SMARCAL1: variants seen among roughly 807,000 people sequenced by gnomAD.
SMARCAL1 encodes SNF2 related chromatin remodeling annealing helicase 1, also known as ATP-driven annealing helicase.
A neutral mutation model predicts 94.5 loss-of-function variants in SMARCAL1; 58 were observed. That is an observed-to-expected ratio of 0.61 (90% CI 0.50 to 0.76). The LOEUF is 0.76. SMARCAL1 is among the 30% of genes least tolerant of loss of function. The pLI is 0.00. For synonymous variants in SMARCAL1, 422 were observed against 455.1 expected, an observed-to-expected ratio of 0.93 and a Z score of 0.93; for missense variants, 1,051 against 1,177.9, an observed-to-expected ratio of 0.89 and a Z score of 1.58.
In SMARCAL1 at chr2:216,447,044, G is replaced by C; in HGVS notation, c.1737G>C (p.Ser579=). ...TTGCCAAGAGGGTGATCCTGTTGTC[G>C]GGCACACCAGCCATGTCCCGGCCCG... ...LKVAKRVILL[S]GTPAMSRPAE... The change falls in exon 11 of 18, where the codon TCG becomes TCC. Residue 579 remains serine, a synonymous_variant. Coordinates refer to ENST00000357276, the MANE Select transcript of SMARCAL1 (RefSeq NM_014140.4). 1 of 1,613,800 alleles carries C rather than the reference G, an allele frequency of 6.2e-7. No homozygotes were observed. The highest frequency in any genetic ancestry group is 1.1e-5 in the South Asian group (1 of 91,072).
At chr2:216,458,886 T>C (rs1461368834) in intron 12 of SMARCAL1, among the ~76,000 whole-genome samples, 2 of 152,108 alleles carry the variant, frequency 1.3e-5, no homozygotes, top group Non-Finnish European at 2.9e-5. Context: ...AAAGAGGAAG[T>C]CAAATTGTCC....
At chr2:216,439,392 C>G (rs1029151228) in intron 10 of SMARCAL1, among the ~76,000 whole-genome samples, 1 of 151,940 alleles carries the variant, frequency 6.6e-6, no homozygotes, top group African/African-American at 2.4e-5. Flanking sequence ...GAAAAGTAGC[C>G]TTTTCTCTTG....
At chr2:216,424,943 C>T (rs1323044194) in intron 6 of SMARCAL1, among the ~76,000 whole-genome samples, 1 of 152,038 alleles carries the variant, frequency 6.6e-6, no homozygotes, top group African/African-American at 2.4e-5. Flanking sequence ...CTTTTTGAGG[C>T]AGGGTCTCGC....
intron 14 of SMARCAL1, among the ~76,000 whole-genome samples, chr2:216,470,551 G>A (rs1023614082): frequency 2.0e-5 from 3 of 150,264 alleles, no homozygotes; most frequent in African/African-American, 4.9e-5. Context: ...TCAGTGGCAC[G>A]AATGCTGCTC....
At chr2:216,469,010 G>A (rs1694898242) in intron 14 of SMARCAL1, among the ~76,000 whole-genome samples, 1 of 151,996 alleles carries the variant, frequency 6.6e-6, no homozygotes, top group Non-Finnish European at 1.5e-5. Context: ...ACCACACCCA[G>A]CCTGAAGGTT....
chr2:216,452,291 A>C (rs1248804318), intron 12 of SMARCAL1, among the ~76,000 whole-genome samples: 1 of 152,190 alleles, frequency 6.6e-6, no homozygotes, highest in African/African-American at 2.4e-5. Flanking sequence ...TTATTTTTAG[A>C]GATAAAAATG....
chr2:216,441,135 C>T (rs147670176), intron 10 of SMARCAL1, among the ~76,000 whole-genome samples: 1 of 152,128 alleles, frequency 6.6e-6, no homozygotes, highest in African/African-American at 2.4e-5. Flanking sequence ...ATTAATATTA[C>T]AAGCATATTT....
chr2:216,449,140 C>G (rs968187573), intron 11 of SMARCAL1, among the ~76,000 whole-genome samples: 2 of 152,224 alleles, frequency 1.3e-5, no homozygotes, highest in African/African-American at 2.4e-5. Flanking sequence ...TGTGTCAGCT[C>G]AGGTCTCTGG....
At chr2:216,456,392 G>A (rs923513251) in intron 12 of SMARCAL1, among the ~76,000 whole-genome samples, 1 of 152,178 alleles carries the variant, frequency 6.6e-6, no homozygotes, top group Non-Finnish European at 1.5e-5. Flanking sequence ...ACACATAATT[G>A]TCAGATTCAC....
In SMARCAL1 at chr2:216,415,457, G is replaced by A; in HGVS notation, c.753G>A (p.Leu251=). 1 of 1,614,094 alleles carries A rather than the reference G, an allele frequency of 6.2e-7. No individual in the cohort carries two copies. The highest frequency in any genetic ancestry group is 8.5e-7 in the Non-Finnish European group (1 of 1,180,026). Residue 251 remains leucine (L), a synonymous_variant, in exon 3 of 18, where the codon TTG becomes TTA. Coordinates refer to ENST00000357276, the MANE Select transcript of SMARCAL1 (RefSeq NM_014140.4). The part of the protein sequence containing the change: ...CVRNGDRFQV[L]IGYNAELIAV... Reference sequence around the variant, plus strand: ...GGAACGGCGATCGTTTCCAGGTGTTGATTGGGTACAATGCGGAACTCATTG... The same window carrying A: ...GGAACGGCGATCGTTTCCAGGTGTTAATTGGGTACAATGCGGAACTCATTG...
chr2:216,422,403 A>G (rs1693744131), intron 5 of SMARCAL1, among the ~76,000 whole-genome samples: 1 of 152,156 alleles, frequency 6.6e-6, no homozygotes, highest in South Asian at 2.1e-4. Flanking sequence ...ATATGTGTCT[A>G]TCACCAGCCT....
rs1319345329 is a variant in SMARCAL1, at chr2:216,455,929, C to T, written c.2070+4865C>T. ...GCTAAAGGAGGAAGTTTGAACCCAT[C>T]GCAAAGAAGTTAAAAACCTTGAAAA... On this transcript the variant is annotated intron_variant, in intron 12 of 17. Coordinates refer to ENST00000357276, the MANE Select transcript of SMARCAL1 (RefSeq NM_014140.4). Among the ~76,000 whole-genome samples, 16 of 152,220 alleles carry T rather than the reference C, an allele frequency of 1.1e-4. No individual in the cohort carries two copies. The East Asian group carries it at 2.3e-3, about 22-fold the overall frequency.
At chr2:216,474,231 C>G (rs1458514806) in intron 14 of SMARCAL1, among the ~76,000 whole-genome samples, 2 of 147,848 alleles carry the variant, frequency 1.4e-5, no homozygotes, top group Non-Finnish European at 3.0e-5. Flanking sequence ...CCTCTGCCTC[C>G]CGGATTCAAG....
At position 216,475,157 on chromosome 2, in the gene SMARCAL1, G is replaced by T; in HGVS notation, c.2245-112G>T. 1 of 980,548 alleles carries T rather than the reference G, an allele frequency of 1.0e-6. No individual in the cohort carries two copies. The highest frequency in any genetic ancestry group is 1.6e-6 in the Non-Finnish European group (1 of 629,884). The allele number at this position is 980,548 out of a possible 1,614,324, so 60.7% of individuals were successfully genotyped here. A position where few individuals can be genotyped will look rare whatever the true frequency, so the allele number is the denominator to read the frequency against. ...TTGAAAAGAAAAGCTCTGAAGGCAG[G>T]GGCCTCTGCTGAGCTGGAACCTGGT... On this transcript the variant is annotated intron_variant, in intron 14 of 17. Transcript: ENST00000357276. This position sits in a 1 kb window ranked among gnomAD's most constrained non-coding sequence, Gnocchi z 4.4.
At chr2:216,445,542 G>C (rs147659733) in intron 10 of SMARCAL1, among the ~76,000 whole-genome samples, 164 of 152,292 alleles carry the variant, frequency 1.1e-3, no homozygotes, top group African/African-American at 3.8e-3. Context: ...CCCCAGGCCA[G>C]CACAGTGACA....
chr2:216,417,977 G>A (rs2106018062), intron 4 of SMARCAL1, among the ~76,000 whole-genome samples: 1 of 152,256 alleles, frequency 6.6e-6, no homozygotes, highest in South Asian at 2.1e-4. Flanking sequence ...CTGGAGTGCA[G>A]TGGTGCGATC....
chr2:216,442,119 G>T (rs1288386583), intron 10 of SMARCAL1, among the ~76,000 whole-genome samples: 1 of 151,982 alleles, frequency 6.6e-6, no homozygotes, highest in Non-Finnish European at 1.5e-5. Context: ...TTAAATAGAT[G>T]ATAAATTCAA....
At chr2:216,467,488 A>G (rs909334605) in intron 13 of SMARCAL1, among the ~76,000 whole-genome samples, 7 of 151,784 alleles carry the variant, frequency 4.6e-5, no homozygotes, top group Admixed American at 3.3e-4. Context: ...AAAAAAAAAA[A>G]AAAAGGGTGG....
intron 6 of SMARCAL1, 39 bp downstream of exon 6, chr2:216,423,722 G>T: frequency 6.6e-7 from 1 of 1,520,274 alleles, no homozygotes; most frequent in Non-Finnish European, 9.1e-7. Flanking sequence ...TCATGCTATT[G>T]TTAAGCTTTA....
Sources: gnomAD v4.1 joint callset for allele counts (sites outside exome capture counted in the v4.1 genomes callset) on GRCh38, gnomAD v4.1.1 for gene constraint, Gnocchi (gnomAD v3.1) non-coding constraint, MANE v1.5 for transcripts, NCBI Gene and HGNC (gene_info 2026-07-23, HGNC 2026-07-21) for gene names.